PCDH9: variants seen among roughly 807,000 people sequenced by gnomAD.
PCDH9 encodes protocadherin 9, also known as protocadherin-9.
In PCDH9, 24 loss-of-function variants were observed where a neutral mutation model predicts 70.6. The observed-to-expected ratio is 0.34, with a 90% confidence interval of 0.25 to 0.48. The LOEUF (loss-of-function observed/expected upper bound fraction) is 0.48. Ranked by LOEUF, PCDH9 falls within the 20% of genes least tolerant of loss-of-function variation. The pLI is 0.99. For synonymous variants in PCDH9, 562 were observed against 558.5 expected (o/e 1.01, Z -0.09); for missense variants, 1,281 against 1,503.6 (o/e 0.85, Z 2.45).
chr13:67,048,526 C>T (rs1332277044), intron 2 of PCDH9, among the ~76,000 whole-genome samples: 1 of 152,114 alleles, frequency 6.6e-6, no homozygotes, highest in Non-Finnish European at 1.5e-5. Context: ...GGCATTTCCT[C>T]CCACACAGAT....
chr13:66,654,527 T>C (rs986167446), intron 3 of PCDH9, among the ~76,000 whole-genome samples: 1 of 152,156 alleles, frequency 6.6e-6, no homozygotes, highest in Non-Finnish European at 1.5e-5. Flanking sequence ...GGATACCCAG[T>C]TATCCTGATG....
chr13:67,167,021 C>A (rs1270579932), intron 2 of PCDH9, among the ~76,000 whole-genome samples: 1 of 152,182 alleles, frequency 6.6e-6, no homozygotes, highest in Non-Finnish European at 1.5e-5. Context: ...ACAACGATAA[C>A]CTTCCTTGTT....
intron 3 of PCDH9, among the ~76,000 whole-genome samples, chr13:66,786,943 A>G (rs1015968697): frequency 2.0e-5 from 3 of 152,224 alleles, no homozygotes; most frequent in Non-Finnish European, 4.4e-5. Flanking sequence ...ATTGCACTAA[A>G]AAGTACAAAG....
At chr13:66,320,632 C>T (rs764446893) in intron 4 of PCDH9, among the ~76,000 whole-genome samples, 43 of 151,980 alleles carry the variant, frequency 2.8e-4, no homozygotes, top group Non-Finnish European at 5.4e-4. Context: ...CAAGAAACAG[C>T]ATACTTCATG....
At position 66,958,196 on chromosome 13, in the gene PCDH9, A is replaced by G. The variant is rs1018423833; in HGVS notation, c.3037-54591T>C. Among the ~76,000 whole-genome samples, 5 of 152,272 alleles carry G rather than the reference A, an allele frequency of 3.3e-5. No homozygotes were observed. The East Asian group carries it at 7.7e-4, about 24-fold the overall frequency. Reference sequence around the variant, plus strand: ...CGTACAATATGGTTGTAGCAGAGCAACTCCTTGAAATGAAAGCTAATAATC... The same window carrying G: ...CGTACAATATGGTTGTAGCAGAGCAGCTCCTTGAAATGAAAGCTAATAATC... On this transcript the variant is annotated intron_variant, in intron 2 of 4. Transcript: ENST00000377865.
intron 3 of PCDH9, among the ~76,000 whole-genome samples, chr13:66,733,730 T>C (rs993308958): frequency 2.0e-5 from 3 of 151,978 alleles, no homozygotes; most frequent in African/African-American, 7.2e-5. Flanking sequence ...CTGTCTATCT[T>C]ACAGGTGTCT....
chr13:66,641,888 T>C (rs549392119), intron 3 of PCDH9, among the ~76,000 whole-genome samples: 2 of 152,314 alleles, frequency 1.3e-5, no homozygotes, highest in African/African-American at 4.8e-5. Flanking sequence ...ATGTTTGTAT[T>C]GTGAAGTGCA....
At chr13:67,136,251 C>T (rs575283075) in intron 2 of PCDH9, among the ~76,000 whole-genome samples, 1 of 152,238 alleles carries the variant, frequency 6.6e-6, no homozygotes, top group South Asian at 2.1e-4. Flanking sequence ...ACAGGCTGTA[C>T]CACGTAGCCT....
At chr13:67,009,776 C>T (rs940991070) in intron 2 of PCDH9, among the ~76,000 whole-genome samples, 1 of 151,798 alleles carries the variant, frequency 6.6e-6, no homozygotes, top group African/African-American at 2.4e-5. Flanking sequence ...AAAAATACTT[C>T]GCATTTAGTT....
intron 2 of PCDH9, among the ~76,000 whole-genome samples, chr13:66,942,816 G>A (rs1042803406): frequency 2.0e-5 from 3 of 152,072 alleles, no homozygotes; most frequent in African/African-American, 7.2e-5. Context: ...TGATGGAATT[G>A]TTTTTCTGGT....
intron 3 of PCDH9, among the ~76,000 whole-genome samples, chr13:66,647,556 G>A (rs1183283423): frequency 1.3e-5 from 2 of 152,138 alleles, no homozygotes; most frequent in African/African-American, 2.4e-5. Context: ...TAGCCAGGTA[G>A]TACTCACCAT....
intron 4 of PCDH9, among the ~76,000 whole-genome samples, chr13:66,601,670 C>A (rs2077167216): frequency 6.8e-6 from 1 of 146,126 alleles, no homozygotes; most frequent in Non-Finnish European, 1.5e-5. Context: ...CAGAAGGCTG[C>A]TTTAACAGAT....
At chr13:67,120,650 C>G (rs991984957) in intron 2 of PCDH9, among the ~76,000 whole-genome samples, 1 of 152,102 alleles carries the variant, frequency 6.6e-6, no homozygotes, top group African/African-American at 2.4e-5. Context: ...CACATTCTAT[C>G]AGTTGTTTAG....
At chr13:66,781,121 G>A (rs2079991609) in intron 3 of PCDH9, among the ~76,000 whole-genome samples, 1 of 152,022 alleles carries the variant, frequency 6.6e-6, no homozygotes, top group Non-Finnish European at 1.5e-5. Context: ...TCCTGTAAAG[G>A]AATAATAAAA....
chr13:66,329,627 G>A (rs904595283), intron 4 of PCDH9, among the ~76,000 whole-genome samples: 5 of 152,080 alleles, frequency 3.3e-5, no homozygotes, highest in African/African-American at 9.7e-5. Flanking sequence ...ACATGGAATG[G>A]GTTTTTAATA....
At chr13:67,218,201 G>A (rs2089650240) in intron 2 of PCDH9, 1 of 152,050 alleles carries the variant, frequency 6.6e-6, no homozygotes, top group Non-Finnish European at 1.5e-5. Flanking sequence ...GGTTCACTGT[G>A]TTCATACAGA....
chr13:66,596,167 C>T (rs138459613), intron 4 of PCDH9, among the ~76,000 whole-genome samples: 11 of 151,596 alleles, frequency 7.3e-5, no homozygotes, highest in African/African-American at 2.7e-4. Context: ...AAATTGTCTT[C>T]CATGTTCTGT....
intron 3 of PCDH9, among the ~76,000 whole-genome samples, chr13:66,786,870 T>C (rs1417295571): frequency 6.6e-6 from 1 of 152,188 alleles, no homozygotes; most frequent in Admixed American, 6.6e-5. Flanking sequence ...ATTCTCATCA[T>C]GCATATTAAG....
intron 3 of PCDH9, among the ~76,000 whole-genome samples, chr13:66,823,805 C>T (rs2080760127): frequency 6.6e-6 from 1 of 152,080 alleles, no homozygotes; most frequent in Non-Finnish European, 1.5e-5. Flanking sequence ...ATTTTATTTT[C>T]AGACCATAAA....
Sources: gnomAD v4.1 joint callset for allele counts (sites outside exome capture counted in the v4.1 genomes callset) on GRCh38, gnomAD v4.1.1 for gene constraint, MANE v1.5 for transcripts, NCBI Gene and HGNC (gene_info 2026-07-23, HGNC 2026-07-21) for gene names.